DNAH14: variants seen among roughly 807,000 people sequenced by gnomAD.
DNAH14 encodes the protein axonemal beta dynein heavy chain 14.
A neutral mutation model predicts 520.9 loss-of-function variants in DNAH14; 478 were observed. That is an observed-to-expected ratio of 0.92 (90% CI 0.85 to 0.99). DNAH14 has a LOEUF of 0.99. Among genes scored for constraint, DNAH14 ranks in the 50% least tolerant of loss-of-function variants. The probability of loss-of-function intolerance (pLI) is 0.00; values close to 1 mark genes in which losing one functional copy is unlikely to be tolerated. For missense variants in DNAH14, 4,831 were observed against 5,234.5 expected (o/e 0.92, Z 2.38); for synonymous variants, 1,581 against 1,757.2 (o/e 0.90, Z 2.51).
At position 225,007,011 on chromosome 1, in the gene DNAH14, C is replaced by T. The variant is rs530395541; in HGVS notation, c.976-402C>T. The stretch of plus-strand genomic sequence containing the variant: ...CTTAGGGAAAATAGAAAAGAACATA[C>T]GTTGAAATATTGGGTGCTGGTTTCC... On this transcript the variant is annotated intron_variant, in intron 9 of 85. Transcript: ENST00000682510. Among the ~76,000 whole-genome samples, 5 of 152,024 alleles carry T rather than the reference C, an allele frequency of 3.3e-5. No homozygotes were observed. In the South Asian group the frequency reaches 8.3e-4, roughly 25 times the overall value.
chr1:225,102,097 G>C (rs566428866), intron 23 of DNAH14, among the ~76,000 whole-genome samples: 1 of 137,026 alleles, frequency 7.3e-6, no homozygotes, highest in East Asian at 2.2e-4. Flanking sequence ...GTGTCCATGT[G>C]TTCTCATTGT....
At chr1:225,131,071 A>G (rs1244426933) in intron 27 of DNAH14, among the ~76,000 whole-genome samples, 1 of 152,168 alleles carries the variant, frequency 6.6e-6, no homozygotes, top group African/African-American at 2.4e-5. Context: ...TGTAGAATGT[A>G]GGTGGTGAAT....
chr1:225,003,394 A>G (rs2063911868), intron 9 of DNAH14, among the ~76,000 whole-genome samples: 1 of 152,080 alleles, frequency 6.6e-6, no homozygotes, highest in South Asian at 2.1e-4. Flanking sequence ...AGTACCTAGA[A>G]CTAATTAAGT....
At chr1:224,932,405 C>G (rs536353760) in intron 1 of DNAH14, among the ~76,000 whole-genome samples, 11 of 152,094 alleles carry the variant, frequency 7.2e-5, no homozygotes, top group African/African-American at 2.4e-4. Context: ...ATTGAACAGG[C>G]TGTTTTTTCA....
chr1:224,954,326 A>G (rs1189611367), intron 2 of DNAH14: 1 of 152,154 alleles, frequency 6.6e-6, no homozygotes, highest in Non-Finnish European at 1.5e-5. Context: ...TTTTTCTTTA[A>G]TATACCAATA....
intron 55 of DNAH14, among the ~76,000 whole-genome samples, chr1:225,299,707 T>A (rs2094098925): frequency 6.6e-6 from 1 of 152,218 alleles, no homozygotes. Flanking sequence ...GACTTCGAGA[T>A]CATTGGATCT....
intron 8 of DNAH14, among the ~76,000 whole-genome samples, chr1:224,988,351 G>A (rs967678348): frequency 1.3e-4 from 20 of 152,072 alleles, no homozygotes; most frequent in African/African-American, 1.2e-4. Flanking sequence ...GAATAGTGCC[G>A]CAGTGAACAT....
intron 60 of DNAH14, among the ~76,000 whole-genome samples, chr1:225,317,209 T>C (rs1238458488): frequency 2.0e-5 from 3 of 152,166 alleles, no homozygotes; most frequent in Non-Finnish European, 4.4e-5. Context: ...GAAAGAAATT[T>C]AAATTCTTCC....
At chr1:225,244,330 C>A (rs545587132) in intron 43 of DNAH14, among the ~76,000 whole-genome samples, 6 of 152,214 alleles carry the variant, frequency 3.9e-5, no homozygotes, top group African/African-American at 1.4e-4. Context: ...TGTTGTGTCT[C>A]TGCCAGGTTT....
chr1:225,382,907 A>G (rs533532367), intron 81 of DNAH14, among the ~76,000 whole-genome samples: 1 of 152,356 alleles, frequency 6.6e-6, no homozygotes, highest in East Asian at 1.9e-4. Context: ...ACATGGATAA[A>G]CCTTGAAAAC....
chr1:224,931,777 A>ATG (rs2058714619), intron 1 of DNAH14, among the ~76,000 whole-genome samples: 1 of 152,142 alleles, frequency 6.6e-6, no homozygotes, highest in Non-Finnish European at 1.5e-5. Flanking sequence ...ACTGCAAATG[A>ATG]TGTGATTTCA....
rs935385630 is a variant in DNAH14, at chr1:225,381,659, G to C, written c.13077+80G>C. 4 of 1,100,202 alleles carry C rather than the reference G, an allele frequency of 3.6e-6. No homozygotes were observed. In the African/African-American group the frequency reaches 6.3e-5, roughly 17 times the overall value. 68.2% of individuals were successfully genotyped at this position (1,100,202 alleles called of 1,614,324 possible). ...GTTCAAGGGAATGGTGAAGGTAAAT[G>C]GTGCATCTGTGTGATGAAATATGTA... is the stretch of plus-strand genomic sequence containing the variant. On this transcript the variant is annotated intron_variant, in intron 81 of 85. Coordinates refer to ENST00000682510, the MANE Select transcript of DNAH14 (RefSeq NM_001367479.1).
At chr1:225,262,328 C>T (rs1247730374) in intron 46 of DNAH14, among the ~76,000 whole-genome samples, 1 of 151,932 alleles carries the variant, frequency 6.6e-6, no homozygotes, top group Non-Finnish European at 1.5e-5. Flanking sequence ...TTTTGCTGTG[C>T]AGAAGCTTCT....
chr1:225,338,043 G>A lies in DNAH14; in HGVS notation c.10312-18G>A, dbSNP rs1472699561. 1.1e-5 allele frequency: 16 copies of A among 1,426,540 alleles called. No homozygotes were observed. The highest frequency in any genetic ancestry group is 1.5e-5 in the Non-Finnish European group (16 of 1,088,192). 88.4% of individuals were successfully genotyped at this position (1,426,540 alleles called of 1,614,324 possible). A position where few individuals can be genotyped will look rare whatever the true frequency, so the allele number is the denominator to read the frequency against. On this transcript the variant is annotated intron_variant, in intron 67 of 85. Coordinates refer to ENST00000682510, the MANE Select transcript of DNAH14 (RefSeq NM_001367479.1). ...TTTTAAGATGATTTTTCTTATTTTT[G>A]TCTATTGGGTTTTTCAGAATCTCCT...
chr1:225,270,891 C>T (rs573784452), intron 50 of DNAH14, 25 bp downstream of exon 50: 44 of 1,535,388 alleles, frequency 2.9e-5, no homozygotes, highest in Non-Finnish European at 3.9e-5. Flanking sequence ...TCATTTTCTA[C>T]TGAAAAAAAT....
At chr1:224,978,535 T>G (rs1054253073) in intron 8 of DNAH14, among the ~76,000 whole-genome samples, 1 of 152,038 alleles carries the variant, frequency 6.6e-6, no homozygotes, top group African/African-American at 2.4e-5. Context: ...TAGAGAGAGG[T>G]TGGTTAACAG....
chr1:225,067,497 G>T (rs1463031950), intron 17 of DNAH14, among the ~76,000 whole-genome samples: 2 of 152,106 alleles, frequency 1.3e-5, no homozygotes, highest in Admixed American at 1.3e-4. Flanking sequence ...TGGCATTGCT[G>T]GGTCAAATGG....
At chr1:225,105,242 T>A (rs2075924835) in intron 23 of DNAH14, among the ~76,000 whole-genome samples, 1 of 152,214 alleles carries the variant, frequency 6.6e-6, no homozygotes, top group Non-Finnish European at 1.5e-5. Context: ...TGCACTGTGG[T>A]CTGAGAGACA....
chr1:225,177,937 G>C (rs907960346), intron 36 of DNAH14, among the ~76,000 whole-genome samples: 1 of 152,106 alleles, frequency 6.6e-6, no homozygotes, highest in Non-Finnish European at 1.5e-5. Context: ...TCCACTGACA[G>C]CTTGCACTGT....
Sources: allele counts gnomAD v4.1 joint callset (sites outside exome capture counted in the v4.1 genomes callset), GRCh38; gene constraint gnomAD v4.1.1; transcripts MANE v1.5; gene names NCBI Gene and HGNC (gene_info 2026-07-23, HGNC 2026-07-21).